The following PALLD variants were observed in gnomAD, a reference collection of about 807,000 sequenced individuals.
PALLD encodes the protein palladin, cytoskeletal associated protein.
In PALLD, 61 loss-of-function variants were observed where a neutral mutation model predicts 123.5. That is an observed-to-expected ratio of 0.49 (90% CI 0.40 to 0.61). The LOEUF (loss-of-function observed/expected upper bound fraction) is 0.61, where lower values mean the gene tolerates loss of function less well. Among genes scored for constraint, PALLD ranks in the 20% least tolerant of loss-of-function variants. PALLD has a pLI of 0.00. For synonymous variants in PALLD, 465 were observed against 496.4 expected, an observed-to-expected ratio of 0.94 and a Z score of 0.84; for missense variants, 1,273 against 1,377.0, an observed-to-expected ratio of 0.92 and a Z score of 1.20.
chr4:168,576,300 A>T (rs1769577030), intron 2 of PALLD, among the ~76,000 whole-genome samples: 1 of 151,968 alleles, frequency 6.6e-6, no homozygotes, highest in Admixed American at 6.6e-5. Context: ...GTTTAGTTAC[A>T]TATGTACATG....
chr4:168,826,621 CTG>C (rs1315262255), intron 10 of PALLD, among the ~76,000 whole-genome samples: 2 of 152,146 alleles, frequency 1.3e-5, no homozygotes, highest in Non-Finnish European at 2.9e-5. Context: ...TTTTTTTACT[CTG>C]TTTTTTAATT....
Position 168,511,739 on chromosome 4 carries a change from C to A in PALLD, c.235C>A (p.Pro79Thr). 1.2e-6 allele frequency: 2 copies of A among 1,614,174 alleles called. No homozygotes were observed. The highest frequency in any genetic ancestry group is 8.5e-7 in the Non-Finnish European group (1 of 1,180,012). Residue 79 changes from proline to threonine, a missense_variant, in exon 2 of 22, where the codon CCT becomes ACT. By Grantham distance (38) the Pro-to-Thr change is conservative. This residue lies in a region of PALLD where 944 missense variants were observed against 954.5 expected (regional missense o/e 0.99). Coordinates refer to ENST00000505667, the MANE Select transcript of PALLD (RefSeq NM_001166108.2). ...STSPASLCEH[P>T]SHKETKLGEH... is the part of the protein sequence containing the mutation. ...TTCTCCTGCAAGCCTCTGTGAACAT[C>A]CTTCCCATAAGGAGACCAAATTGGG...
chr4:168,527,408 G>A (rs957496184), intron 2 of PALLD, among the ~76,000 whole-genome samples: 3 of 79,314 alleles, frequency 3.8e-5, no homozygotes, highest in Admixed American at 3.3e-4. Flanking sequence ...GGCAACAGGA[G>A]TGAAACTCCA....
intron 2 of PALLD, among the ~76,000 whole-genome samples, chr4:168,665,210 A>G (rs776579037): frequency 1.6e-4 from 24 of 152,158 alleles, no homozygotes; most frequent in Non-Finnish European, 2.9e-4. Flanking sequence ...CCTTGTCTTT[A>G]TCACAACCAT....
intron 2 of PALLD, among the ~76,000 whole-genome samples, chr4:168,526,174 G>T (rs1471910753): frequency 6.6e-6 from 1 of 152,174 alleles, no homozygotes; most frequent in Non-Finnish European, 1.5e-5. Flanking sequence ...GGAACATGAG[G>T]CCAGCTCTTA....
intron 2 of PALLD, among the ~76,000 whole-genome samples, chr4:168,658,004 A>G (rs539866978): frequency 5.9e-5 from 9 of 152,264 alleles, no homozygotes; most frequent in South Asian, 2.1e-4. Context: ...TCTTTCGCCT[A>G]TTAAACCTTT....
chr4:168,590,229 C>A (rs1214266410), intron 2 of PALLD, among the ~76,000 whole-genome samples: 1 of 152,206 alleles, frequency 6.6e-6, no homozygotes, highest in Admixed American at 6.5e-5. Flanking sequence ...ATAATCCCAG[C>A]TACTCAGGAG....
chr4:168,756,624 C>T (rs1046921647), intron 10 of PALLD, among the ~76,000 whole-genome samples: 8 of 152,066 alleles, frequency 5.3e-5, no homozygotes, highest in Admixed American at 2.6e-4. Flanking sequence ...TATTTATGGA[C>T]GTGGTGAAGA....
intron 2 of PALLD, among the ~76,000 whole-genome samples, chr4:168,527,604 T>C (rs1764195934): frequency 6.6e-6 from 1 of 152,034 alleles, no homozygotes; most frequent in Non-Finnish European, 1.5e-5. Flanking sequence ...CACAGAATTG[T>C]GTTAAGATTA....
At chr4:168,560,552 G>C (rs1423585673) in intron 2 of PALLD, among the ~76,000 whole-genome samples, 2 of 152,166 alleles carry the variant, frequency 1.3e-5, no homozygotes, top group Non-Finnish European at 2.9e-5. Flanking sequence ...ATTACTCTTA[G>C]TAATCCAAAT....
chr4:168,664,716 C>A (rs1418870111), intron 2 of PALLD, among the ~76,000 whole-genome samples: 1 of 148,598 alleles, frequency 6.7e-6, no homozygotes, highest in Non-Finnish European at 1.5e-5. Flanking sequence ...GTCAAGTCAC[C>A]AGTTCTATGT....
At chr4:168,503,934 C>T (rs1455922724) in intron 1 of PALLD, among the ~76,000 whole-genome samples, 5 of 152,166 alleles carry the variant, frequency 3.3e-5, no homozygotes, top group African/African-American at 9.7e-5. Flanking sequence ...AAAAGAGTGA[C>T]GTGACACAAT....
chr4:168,521,643 A>C (rs1763575989), intron 2 of PALLD, among the ~76,000 whole-genome samples: 1 of 152,202 alleles, frequency 6.6e-6, no homozygotes, highest in Non-Finnish European at 1.5e-5. Context: ...AAATCTTCAT[A>C]CTGCCATTTT....
Position 168,832,242 on chromosome 4 carries a change from G to A in PALLD, c.1965-58680G>A, listed in dbSNP as rs1744344807. The A allele has an allele frequency of 6.2e-6, 6 of 965,756 alleles. No homozygotes were observed. In the South Asian group the frequency reaches 2.4e-4, roughly 38 times the overall value. The allele number at this position is 965,756 out of a possible 1,614,324, so 59.8% of individuals were successfully genotyped here. A position where few individuals can be genotyped will look rare whatever the true frequency, so the allele number is the denominator to read the frequency against. On this transcript the variant is annotated intron_variant, in intron 10 of 21. Transcript: ENST00000505667. The stretch of plus-strand genomic sequence containing the variant: ...AATTAAAGGGAGTGCAGCGTGCAGG[G>A]TGGGCCGCGAGTCGGGAGTGCAGGG...
intron 1 of PALLD, among the ~76,000 whole-genome samples, chr4:168,502,713 G>A (rs1486008477): frequency 2.6e-5 from 4 of 151,934 alleles, no homozygotes; most frequent in African/African-American, 7.2e-5. Context: ...TGGCATAGGC[G>A]AAAAAGGGAG....
intron 16 of PALLD, 194 bp downstream of exon 16, chr4:168,914,215 C>A: frequency 1.7e-6 from 1 of 599,406 alleles, no homozygotes; most frequent in South Asian, 2.0e-5. Flanking sequence ...AACAAACATT[C>A]GCTAATGTGT....
chr4:168,802,128 C>A (rs1211464280), intron 10 of PALLD, among the ~76,000 whole-genome samples: 4 of 152,188 alleles, frequency 2.6e-5, no homozygotes, highest in Non-Finnish European at 5.9e-5. Context: ...CTCGGGAATG[C>A]TCCATTGAGA....
At chr4:168,530,552 T>A (rs1764509898) in intron 2 of PALLD, 1 of 152,232 alleles carries the variant, frequency 6.6e-6, no homozygotes, top group Non-Finnish European at 1.5e-5. Flanking sequence ...CTTCCATATC[T>A]TTTCTCACCT....
chr4:168,648,595 C>A (rs1311505317), intron 2 of PALLD: 1 of 152,186 alleles, frequency 6.6e-6, no homozygotes, highest in Non-Finnish European at 1.5e-5. Context: ...TAGAGAATCT[C>A]TTGGCATGAG....
Sources: gnomAD v4.1 joint callset for allele counts (sites outside exome capture counted in the v4.1 genomes callset) on GRCh38, gnomAD v4.1.1 for gene constraint, gnomAD v4.1.1 regional missense constraint, MANE v1.5 for transcripts, NCBI Gene and HGNC (gene_info 2026-07-23, HGNC 2026-07-21) for gene names.